NLGN4X: variants seen among roughly 807,000 people sequenced by gnomAD.
NLGN4X encodes the protein neuroligin 4 X-linked, also known as neuroligin-4, X-linked.
A neutral mutation model predicts 40.3 loss-of-function variants in NLGN4X; 3 were observed. The observed-to-expected ratio is 0.07, with a 90% confidence interval of 0.03 to 0.19. The LOEUF is 0.19. Ranked by LOEUF, NLGN4X falls within the 10% of genes least tolerant of loss-of-function variation. The probability of loss-of-function intolerance (pLI) is 1.00; values close to 1 mark genes in which losing one functional copy is unlikely to be tolerated. For missense variants in NLGN4X, 382 were observed against 708.3 expected, an observed-to-expected ratio of 0.54 and a Z score of 5.23; for synonymous variants, 270 against 306.8, an observed-to-expected ratio of 0.88 and a Z score of 1.25.
At chrX:5,973,091 C>A (rs1400116573) in intron 3 of NLGN4X, among the ~76,000 whole-genome samples, 1 of 112,216 alleles carries the variant, frequency 8.9e-6, no homozygotes, top group Non-Finnish European at 1.9e-5. Flanking sequence ...GAAAAAAATA[C>A]CTAAGTAGAT....
At chrX:5,988,556 T>G (rs2035591096) in intron 3 of NLGN4X, among the ~76,000 whole-genome samples, 2 of 111,701 alleles carry the variant, frequency 1.8e-5, no homozygotes, top group Admixed American at 1.9e-4. Flanking sequence ...AAGGCAGAAC[T>G]GGCAAAAAAT....
At chrX:6,219,161 G>GTGTA (rs1556012827) in intron 1 of NLGN4X, among the ~76,000 whole-genome samples, 4 of 94,793 alleles carry the variant, frequency 4.2e-5, no homozygotes, top group Non-Finnish European at 6.3e-5. Context: ...GTGTGTGTGT[G>GTGTA]TATATATATA....
At chrX:6,032,770 GA>G in intron 2 of NLGN4X, 1 of 1,063,286 alleles carries the variant, frequency 9.4e-7, no homozygotes. Flanking sequence ...TATTGAGAAG[GA>G]AAATAAAGGG....
intron 3 of NLGN4X, among the ~76,000 whole-genome samples, chrX:6,014,819 T>C (rs1355004921): frequency 8.9e-6 from 1 of 111,856 alleles, no homozygotes; most frequent in African/African-American, 3.3e-5. Flanking sequence ...TTTAAAGGCA[T>C]ATAAAATGTG....
At chrX:5,925,904 A>G (rs2033287089) in intron 3 of NLGN4X, among the ~76,000 whole-genome samples, 1 of 42,804 alleles carries the variant, frequency 2.3e-5, no homozygotes, top group Non-Finnish European at 4.0e-5. Flanking sequence ...ATATATATAT[A>G]TATATATATA....
At chrX:5,961,195 T>C (rs1186936550) in intron 3 of NLGN4X, among the ~76,000 whole-genome samples, 2 of 111,549 alleles carry the variant, frequency 1.8e-5, no homozygotes, top group African/African-American at 6.5e-5. Flanking sequence ...ACAATAATTC[T>C]GTAGAATGTT....
intron 1 of NLGN4X, among the ~76,000 whole-genome samples, chrX:6,219,970 A>G (rs1186320811): frequency 9.1e-6 from 1 of 110,245 alleles, no homozygotes. Flanking sequence ...CATAAAGCAG[A>G]TTACTTTGAT....
intron 3 of NLGN4X, among the ~76,000 whole-genome samples, chrX:5,963,163 GA>G (rs35773507): frequency 9.3e-6 from 1 of 107,975 alleles, no homozygotes; most frequent in Admixed American, 1.0e-4. Context: ...GGAGGGCTCA[GA>G]AAAAAAAAGA....
At chrX:6,220,538 T>C (rs1320907817) in intron 1 of NLGN4X, among the ~76,000 whole-genome samples, 1 of 106,641 alleles carries the variant, frequency 9.4e-6, no homozygotes, top group Non-Finnish European at 1.9e-5. Flanking sequence ...ATAGTTTCAC[T>C]ATAAACATAG....
chrX:5,938,455 A>C (rs1302596738), intron 3 of NLGN4X, among the ~76,000 whole-genome samples: 1 of 110,748 alleles, frequency 9.0e-6, no homozygotes, highest in Non-Finnish European at 1.9e-5. Flanking sequence ...GGTAAGTTCA[A>C]AGGTTTACAT....
chrX:5,962,946 C>T (rs1306101114), intron 3 of NLGN4X, among the ~76,000 whole-genome samples: 1 of 102,540 alleles, frequency 9.8e-6, no homozygotes, highest in African/African-American at 3.6e-5. Flanking sequence ...CACCCCCACC[C>T]CCAGACTATG....
intron 2 of NLGN4X, chrX:6,032,552 A>C: frequency 2.9e-6 from 1 of 350,556 alleles, no homozygotes; most frequent in Non-Finnish European, 4.8e-6. Flanking sequence ...ATACAAGAAG[A>C]AAATAATTAA....
chrX:5,916,459 A>AT (rs921170782), intron 3 of NLGN4X, among the ~76,000 whole-genome samples: 172 of 108,014 alleles, frequency 1.6e-3, no homozygotes, highest in African/African-American at 5.9e-3. Context: ...ATTTTTATGT[A>AT]TTTTTTTTGA....
chrX:6,098,631 G>A (rs2038836567), intron 2 of NLGN4X, among the ~76,000 whole-genome samples: 1 of 111,681 alleles, frequency 9.0e-6, no homozygotes, highest in Admixed American at 9.5e-5. Context: ...ACCCCTGCCT[G>A]CATTTCCAGC....
At chrX:6,210,242 TTGTGTGTGTGTGTGTGTGTG>T (rs748017875) in intron 1 of NLGN4X, among the ~76,000 whole-genome samples, 2 of 94,105 alleles carry the variant, frequency 2.1e-5, no homozygotes, top group Non-Finnish European at 4.1e-5. Context: ...GTGCGCCCGT[TTGTGTGTGTGTGTGTGTGTG>T]TGTGTGTGTG....
chrX:5,982,977 A>T (rs1434492785), intron 3 of NLGN4X, among the ~76,000 whole-genome samples: 2 of 112,685 alleles, frequency 1.8e-5, no homozygotes, highest in East Asian at 5.6e-4. Flanking sequence ...CACTGTTCCA[A>T]TCTGGAAGAA....
At chrX:6,022,749 G>A (rs1015314524) in intron 3 of NLGN4X, among the ~76,000 whole-genome samples, 1 of 111,615 alleles carries the variant, frequency 9.0e-6, no homozygotes, top group African/African-American at 3.3e-5. Flanking sequence ...CACTCTGGCC[G>A]ATGTTGCAAG....
chrX:5,914,892 G>A (rs2032709782), intron 3 of NLGN4X, among the ~76,000 whole-genome samples: 1 of 111,889 alleles, frequency 8.9e-6, no homozygotes. Flanking sequence ...ACGGTTATAG[G>A]AAATCATTCA....
At chrX:6,193,936 G>T (rs1922812350) in intron 1 of NLGN4X, among the ~76,000 whole-genome samples, 2 of 112,377 alleles carry the variant, frequency 1.8e-5, no homozygotes, top group African/African-American at 6.5e-5. Context: ...TCACTTATTT[G>T]CAAGAACTAA....
Sources: allele counts gnomAD v4.1 joint callset (sites outside exome capture counted in the v4.1 genomes callset), GRCh38; gene constraint gnomAD v4.1.1; transcripts MANE v1.5; gene names NCBI Gene and HGNC (gene_info 2026-07-23, HGNC 2026-07-21).